Variants in SPTBN1 observed in about 807,000 individuals in gnomAD.
The protein encoded by SPTBN1 is spectrin beta chain, non-erythrocytic 1.
A neutral mutation model predicts 266.4 loss-of-function variants in SPTBN1; 32 were observed. The observed-to-expected ratio is 0.12, with a 90% CI of 0.09 to 0.16. SPTBN1 has a LOEUF of 0.16. Among genes scored for constraint, SPTBN1 ranks in the 10% least tolerant of loss-of-function variants. The pLI, the probability that SPTBN1 is intolerant of heterozygous loss-of-function variation, is 1.00. For missense variants in SPTBN1, 2,296 were observed against 3,067.1 expected, an observed-to-expected ratio of 0.75 and a Z score of 5.94; for synonymous variants, 1,336 against 1,162.2, an observed-to-expected ratio of 1.15 and a Z score of -3.04.
In SPTBN1 at chr2:54,558,191, C is replaced by T. The variant is rs998749530; in HGVS notation, c.148+31625C>T. 3 of 985,338 alleles carry T rather than the reference C, an allele frequency of 3.0e-6. No individual in the cohort carries two copies. Among genetic ancestry groups the T allele is most frequent in the South Asian group, 9.4e-5 (2 of 21,280 alleles). 61.0% of individuals were successfully genotyped at this position (985,338 alleles called of 1,614,324 possible). ...GGCCCGGCCGGGGGTCGGCGGCTGC[C>T]GGGCGGCTGGGGCGACCGCGGACCG... On this transcript the variant is annotated intron_variant, in intron 2 of 35. Coordinates refer to ENST00000356805, the MANE Select transcript of SPTBN1 (RefSeq NM_003128.3). This position sits in a 1 kb window ranked among gnomAD's most constrained non-coding sequence, Gnocchi z 4.6.
rs929087178 is a variant in SPTBN1, at chr2:54,533,012, A to G, written c.148+6446A>G. On this transcript the variant is annotated intron_variant, in intron 2 of 35. Coordinates refer to ENST00000356805, the MANE Select transcript of SPTBN1 (RefSeq NM_003128.3). The surrounding 1 kb of genome is among the most constrained non-coding windows in gnomAD (Gnocchi z 4.2). ...TTTTACTTTTTCACTTAAAGGAAGC[A>G]TTTGACAGTCGCTTCTTTTTAGCAT... is the stretch of plus-strand genomic sequence containing the variant. 6.6e-6 allele frequency among the ~76,000 whole-genome samples: 1 copy of G among 152,010 alleles called. No individual in the cohort carries two copies. Among genetic ancestry groups the G allele is most frequent in the African/African-American group, 2.4e-5 (1 of 41,348 alleles).
chr2:54,568,707 G>A (rs1257855503), intron 2 of SPTBN1, among the ~76,000 whole-genome samples: 1 of 152,156 alleles, frequency 6.6e-6, no homozygotes, highest in Non-Finnish European at 1.5e-5. Flanking sequence ...TTTACCCATT[G>A]ATATTAATGG....
In SPTBN1 at chr2:54,618,082, G is replaced by C; in HGVS notation, c.652G>C (p.Asp218His). 6.2e-7 allele frequency: 1 copy of C among 1,613,886 alleles called. No homozygotes were observed. Among genetic ancestry groups the C allele is most frequent in the East Asian group, 2.2e-5 (1 of 44,884 alleles). The change falls in exon 7 of 36, where the codon GAC becomes CAC. Residue 218 changes from aspartate (D) to histidine (H), a missense_variant. By Grantham distance (81) the Asp-to-His change is moderately conservative. Around this residue, in one of 12 missense-constraint regions of SPTBN1, gnomAD observed 178 missense variants for 375.7 expected, o/e 0.47. Coordinates refer to ENST00000356805, the MANE Select transcript of SPTBN1 (RefSeq NM_003128.3). ...TCCCACTGTTGTTCTGCACAGGCCTGACCTGATAGATTTTGACAAACTAAA... is the reference window on the plus strand; with the variant it reads ...TCCCACTGTTGTTCTGCACAGGCCTCACCTGATAGATTTTGACAAACTAAA... ...FNALIHKHRP[D>H]LIDFDKLKKS...
chr2:54,561,178 G>T (rs6545431), intron 2 of SPTBN1, among the ~76,000 whole-genome samples: 151,013 of 152,366 alleles, frequency 0.99, 74,834 homozygotes, highest in East Asian at 1. Flanking sequence ...AGAGTCTCAC[G>T]CTGTTGCCCA....
chr2:54,581,471 C>T (rs973608629), intron 2 of SPTBN1, among the ~76,000 whole-genome samples: 2 of 151,510 alleles, frequency 1.3e-5, no homozygotes, highest in Admixed American at 6.6e-5. Context: ...TCATGGCTGA[C>T]ATTGAACTTC....
chr2:54,562,648 A>C lies in SPTBN1; in HGVS notation c.148+36082A>C, dbSNP rs570341268. ...CAGGCTCAAGTGATTCTCCCACCTC[A>C]GTCTCCCCAGTAGCTGGGACTACAG... On this transcript the variant is annotated intron_variant, in intron 2 of 35. Transcript: ENST00000356805. Among the ~76,000 whole-genome samples the C allele has an allele frequency of 1.7e-4, 24 of 144,504 alleles. 1 individual carries two copies. Among genetic ancestry groups the C allele is most frequent in the Admixed American group, 1.5e-3 (21 of 14,360 alleles). The allele number at this position is 144,504 out of a possible 152,430, so 94.8% of individuals were successfully genotyped here.
Position 54,646,541 on chromosome 2 carries a change from C to G in SPTBN1, c.4866+66C>G. The G allele has an allele frequency of 7.0e-7, 1 of 1,425,008 alleles. No individual in the cohort carries two copies. Among genetic ancestry groups the G allele is most frequent in the Non-Finnish European group, 9.2e-7 (1 of 1,088,460 alleles). The allele number at this position is 1,425,008 out of a possible 1,614,324, so 88.3% of individuals were successfully genotyped here. A position where few individuals can be genotyped will look rare whatever the true frequency, so the allele number is the denominator to read the frequency against. On this transcript the variant is annotated intron_variant, in intron 23 of 35. Coordinates refer to ENST00000356805, the MANE Select transcript of SPTBN1 (RefSeq NM_003128.3). This position sits in a 1 kb window ranked among gnomAD's most constrained non-coding sequence, Gnocchi z 4.4. Reference sequence around the variant, plus strand: ...CAGATTCAAACCCTGGGCACACTTTCTGCTGGCGGCTCTGTCTGTATAAAA... The same window carrying G: ...CAGATTCAAACCCTGGGCACACTTTGTGCTGGCGGCTCTGTCTGTATAAAA...
chr2:54,559,332 G>A (rs979947311), intron 2 of SPTBN1, among the ~76,000 whole-genome samples: 1 of 152,008 alleles, frequency 6.6e-6, no homozygotes, highest in Non-Finnish European at 1.5e-5. Context: ...AGGAGGGAGG[G>A]GTCTTTTTGT....
intron 1 of SPTBN1, among the ~76,000 whole-genome samples, chr2:54,486,275 G>C (rs1410669760): frequency 1.3e-5 from 2 of 152,106 alleles, no homozygotes; most frequent in South Asian, 2.1e-4. Context: ...TTGTGGAATA[G>C]AAAGGGGGGA....
rs111820302 is a variant in SPTBN1 at position 54,484,502 on chromosome 2, A to T, written c.-48+27984A>T. 1.8e-3 allele frequency among the ~76,000 whole-genome samples: 279 copies of T among 152,332 alleles called. 6 individuals are homozygous for T. In the South Asian group the frequency reaches 0.039, roughly 21 times the overall value. On this transcript the variant is annotated intron_variant, in intron 1 of 35. Coordinates refer to ENST00000356805, the MANE Select transcript of SPTBN1 (RefSeq NM_003128.3). ...CTCAGAGAGCAAGGTAGGAAATGTTAACTTCTCCTAAGAACAGGAATATGG... is the reference window on the plus strand; with the variant it reads ...CTCAGAGAGCAAGGTAGGAAATGTTTACTTCTCCTAAGAACAGGAATATGG...
At chr2:54,615,136 AT>A (rs11321438) in intron 4 of SPTBN1, among the ~76,000 whole-genome samples, 120,158 of 151,974 alleles carry the variant, frequency 0.79, 48,314 homozygotes, top group African/African-American at 0.93. Context: ...AAAATAGAGA[AT>A]TTTTTTTTAA....
In SPTBN1 at chr2:54,646,900, G is replaced by A. The variant is rs1012759681; in HGVS notation, c.4867-231G>A. 6.6e-6 allele frequency among the ~76,000 whole-genome samples: 1 copy of A among 152,156 alleles called. No individual in the cohort carries two copies. The highest frequency in any genetic ancestry group is 2.4e-5 in the African/African-American group (1 of 41,430). On this transcript the variant is annotated intron_variant, in intron 23 of 35. Coordinates refer to ENST00000356805, the MANE Select transcript of SPTBN1 (RefSeq NM_003128.3). This position sits in a 1 kb window ranked among gnomAD's most constrained non-coding sequence, Gnocchi z 4.4. ...CTGCCCAAGCTTTTCTCTGAGAGGG[G>A]CCCTGCTCATTCTGCGTTCTCCTTG...
At chr2:54,464,616 T>C (rs1371335421) in intron 1 of SPTBN1, among the ~76,000 whole-genome samples, 3 of 152,230 alleles carry the variant, frequency 2.0e-5, no homozygotes, top group African/African-American at 7.2e-5. Context: ...AAGAATGCAG[T>C]AAATAATATA....
Position 54,670,980 on chromosome 2 carries a change from A to G in SPTBN1, c.*2411A>G, listed in dbSNP as rs1246269482. The G allele has an allele frequency of 2.5e-6, 1 of 395,422 alleles. No individual in the cohort carries two copies. Among genetic ancestry groups the G allele is most frequent in the African/African-American group, 2.1e-5 (1 of 48,230 alleles). 24.5% of individuals were successfully genotyped at this position (395,422 alleles called of 1,614,324 possible). A position where few individuals can be genotyped will look rare whatever the true frequency, so the allele number is the denominator to read the frequency against. Reference sequence around the variant, plus strand: ...TTTGTTTTTTTTTTATTCTTCCACTATCATGTTTTTTGAGGATTTTGCATA... The same window carrying G: ...TTTGTTTTTTTTTTATTCTTCCACTGTCATGTTTTTTGAGGATTTTGCATA... On this transcript the variant is annotated 3_prime_UTR_variant, in exon 36 of 36. Transcript: ENST00000356805.
chr2:54,487,472 A>G (rs1279936222), intron 1 of SPTBN1, among the ~76,000 whole-genome samples: 1 of 152,006 alleles, frequency 6.6e-6, no homozygotes, highest in African/African-American at 2.4e-5. Context: ...TATTTTGCAT[A>G]TTTGCACAAC....
intron 2 of SPTBN1, 124 bp downstream of exon 2, chr2:54,526,690 G>T: frequency 9.9e-6 from 12 of 1,207,154 alleles, no homozygotes; most frequent in Non-Finnish European, 1.3e-5. Flanking sequence ...ATTTAAATGT[G>T]TCCTTGAGAG....
intron 3 of SPTBN1, among the ~76,000 whole-genome samples, chr2:54,608,720 A>G (rs996657616): frequency 6.6e-6 from 1 of 151,816 alleles, no homozygotes; most frequent in African/African-American, 2.4e-5. Context: ...GCATGCACAC[A>G]CACAGTGGAT....
intron 17 of SPTBN1, among the ~76,000 whole-genome samples, chr2:54,634,266 G>C (rs1487992976): frequency 6.6e-6 from 1 of 152,166 alleles, no homozygotes; most frequent in African/African-American, 2.4e-5. Flanking sequence ...GCACAAAGCT[G>C]TTGGAAGCAG....
chr2:54,566,185 C>CTTTTTTTTTT (rs59369956), intron 2 of SPTBN1, among the ~76,000 whole-genome samples: 1 of 125,222 alleles, frequency 8.0e-6, no homozygotes, highest in Non-Finnish European at 1.6e-5. Flanking sequence ...TTTCTTTTTT[C>CTTTTTTTTTT]TTTTTTTTTT....
Sources: gnomAD v4.1 joint callset for allele counts (sites outside exome capture counted in the v4.1 genomes callset) on GRCh38, gnomAD v4.1.1 for gene constraint, gnomAD v4.1.1 regional missense constraint, Gnocchi (gnomAD v3.1) non-coding constraint, MANE v1.5 for transcripts, NCBI Gene and HGNC (gene_info 2026-07-23, HGNC 2026-07-21) for gene names.